The following MX1 variants were observed in gnomAD, a reference collection of about 807,000 sequenced individuals.
The protein encoded by MX1 is interferon-induced GTP-binding protein Mx1.
MX1 carries 66 observed loss-of-function variants against 66.4 expected under a neutral mutation model. The ratio of observed to expected loss-of-function variants is 0.99; its 90% CI spans 0.82 to 1.22. The LOEUF is 1.22. Among genes scored for constraint, MX1 ranks in the 50% most tolerant of loss-of-function variants. The pLI, the probability that MX1 is intolerant of heterozygous loss-of-function variation, is 0.00. For synonymous variants in MX1, 311 were observed against 318.1 expected (o/e 0.98, Z 0.24); for missense variants, 787 against 834.3 (o/e 0.94, Z 0.70).
chr21:41,424,713 C>T (rs2090029744), upstream of MX1, among the ~76,000 whole-genome samples: 1 of 152,206 alleles, frequency 6.6e-6, no homozygotes, highest in South Asian at 2.1e-4. Context: ...CAGCCCTCCC[C>T]AACCCCTTTC....
At chr21:41,439,133 G>T (rs2090439491) in intron 7 of MX1, among the ~76,000 whole-genome samples, 1 of 147,576 alleles carries the variant, frequency 6.8e-6, no homozygotes, top group Non-Finnish European at 1.5e-5. Flanking sequence ...ATCCCAAAAA[G>T]GCATTCTAGA....
At chr21:41,453,309 A>G (rs1016405072) in intron 16 of MX1, among the ~76,000 whole-genome samples, 5 of 152,214 alleles carry the variant, frequency 3.3e-5, no homozygotes, top group African/African-American at 1.2e-4. Flanking sequence ...ACAGGTGGGA[A>G]TTATGGGAGT....
Position 41,432,115 on chromosome 21 carries a change from T to C in MX1, c.45T>C (p.Ala15=), listed in dbSNP as rs755160244. The change falls in exon 5 of 17, where the codon GCT becomes GCC. Residue 15 remains alanine (A), a synonymous_variant. Coordinates refer to ENST00000398598, the MANE Select transcript of MX1 (RefSeq NM_002462.5). The part of the protein sequence containing the change: ...EVDIAKADPA[A]ASHPLLLNGD... ...ACATCGCAAAAGCTGATCCAGCTGC[T>C]GCATCCCACCCTCTATTACTGAATG... 3 of 1,614,208 alleles carry C rather than the reference T, an allele frequency of 1.9e-6. No homozygotes were observed. The South Asian group carries it at 3.3e-5, about 18-fold the overall frequency.
intron 16 of MX1, among the ~76,000 whole-genome samples, chr21:41,457,586 A>G (rs2090988583): frequency 6.6e-6 from 1 of 151,896 alleles, no homozygotes; most frequent in South Asian, 2.1e-4. Context: ...TCAGGCACTC[A>G]CTTCCCCTCT....
At chr21:41,442,820 G>A (rs2090556879) in intron 10 of MX1, 1 of 152,232 alleles carries the variant, frequency 6.6e-6, no homozygotes, top group South Asian at 2.1e-4. Flanking sequence ...CATGGATGAA[G>A]CTTGGGAACA....
rs377733846 is a variant in MX1 at position 41,441,024 on chromosome 21, C to T, written c.729C>T (p.Ile243=). The change falls in exon 9 of 17, where the codon ATC becomes ATT. Residue 243 remains isoleucine, a splice_region_variant and synonymous_variant. Coordinates refer to ENST00000398598, the MANE Select transcript of MX1 (RefSeq NM_002462.5). The surrounding 1 kb of genome is among the most constrained non-coding windows in gnomAD (Gnocchi z 4.0). The part of the protein sequence containing the change: ...QEVDPEGDRT[I]GILTKPDLVD... ...TGGACCCCGAGGGAGACAGGACCAT[C>T]GGTGAGAGTGGGGGAGCCCCACTGT... is the stretch of plus-strand genomic sequence containing the variant. 63 of 1,613,164 alleles carry T rather than the reference C, an allele frequency of 3.9e-5. No homozygotes were observed. The highest frequency in any genetic ancestry group is 1.8e-4 in the Middle Eastern group (1 of 5,690).
chr21:41,434,619 T>C (rs1245009557), intron 5 of MX1, among the ~76,000 whole-genome samples: 1 of 152,222 alleles, frequency 6.6e-6, no homozygotes, highest in Non-Finnish European at 1.5e-5. Context: ...GTTTTTAGTA[T>C]ATATCTTTAA....
intron 13 of MX1, among the ~76,000 whole-genome samples, chr21:41,448,679 A>G (rs1037546935): frequency 1.3e-4 from 19 of 151,928 alleles, no homozygotes; most frequent in Non-Finnish European, 2.2e-4. Flanking sequence ...GGTGGCGGGT[A>G]CCTGTAGTCC....
chr21:41,425,184 A>G (rs1181998079), upstream of MX1, among the ~76,000 whole-genome samples: 2 of 152,234 alleles, frequency 1.3e-5, no homozygotes, highest in Non-Finnish European at 2.9e-5. Context: ...TGTGAGCAAC[A>G]TGGCTGTGTA....
At chr21:41,435,755 T>G in intron 5 of MX1, 82 bp from the exon 6 acceptor site, 4 of 1,441,396 alleles carry the variant, frequency 2.8e-6, no homozygotes, top group Non-Finnish European at 3.8e-6. Flanking sequence ...CGAGATGAGA[T>G]TTGGGTAGGG....
chr21:41,432,926 C>T (rs1275649963), intron 5 of MX1, among the ~76,000 whole-genome samples: 1 of 152,192 alleles, frequency 6.6e-6, no homozygotes, highest in Middle Eastern at 3.2e-3. Flanking sequence ...ACCACCTTTC[C>T]ACCACCCTGA....
Position 41,445,659 on chromosome 21 carries a change from C to A in MX1, c.1131+89C>A, listed in dbSNP as rs888391454. 10 of 1,540,392 alleles carry A rather than the reference C, an allele frequency of 6.5e-6. No homozygotes were observed. In the African/African-American group the frequency reaches 1.4e-4, roughly 21 times the overall value. On this transcript the variant is annotated intron_variant, in intron 12 of 16. Coordinates refer to ENST00000398598, the MANE Select transcript of MX1 (RefSeq NM_002462.5). ...GCCTTATGCACTTCCTTCTTCACTC[C>A]CCCAAGGCTGATCCAAAGACATCTG...
chr21:41,421,006 G>A (rs2089987304), intron 1 of MX1, among the ~76,000 whole-genome samples: 1 of 152,210 alleles, frequency 6.6e-6, no homozygotes, highest in African/African-American at 2.4e-5. Context: ...TCAGCATATG[G>A]AGGATCCCGC....
chr21:41,441,091 TG>T lies in MX1; in HGVS notation c.730+71del. 1 of 1,417,044 alleles carries T rather than the reference TG, an allele frequency of 7.1e-7. No individual in the cohort carries two copies. Among genetic ancestry groups the T allele is most frequent in the Admixed American group, 2.0e-5 (1 of 50,122 alleles). 87.8% of individuals were successfully genotyped at this position (1,417,044 alleles called of 1,614,324 possible). A position where few individuals can be genotyped will look rare whatever the true frequency, so the allele number is the denominator to read the frequency against. On this transcript the variant is annotated intron_variant, in intron 9 of 16. Transcript: ENST00000398598. The surrounding 1 kb of genome is among the most constrained non-coding windows in gnomAD (Gnocchi z 4.0). The stretch of plus-strand genomic sequence containing the variant: ...GGAGCCCGCCTGTGCTCGGTGAGAA[TG>T]GGGGAGCCCACCTGTGCTCGGTGAG...
Position 41,441,377 on chromosome 21 carries a change from A to T in MX1, c.731-339A>T. The T allele has an allele frequency of 2.3e-6, 1 of 435,444 alleles. No homozygotes were observed. The highest frequency in any genetic ancestry group is 4.3e-6 in the Non-Finnish European group (1 of 233,886). The allele number at this position is 435,444 out of a possible 1,614,324, so 27.0% of individuals were successfully genotyped here. On this transcript the variant is annotated intron_variant, in intron 9 of 16. Transcript: ENST00000398598. This position sits in a 1 kb window ranked among gnomAD's most constrained non-coding sequence, Gnocchi z 4.0. Reference sequence around the variant, plus strand: ...CACAGTGGGCTCGGAAGCAGGTCAAACTCAGGAGGCACATGGTACTCATTA... The same window carrying T: ...CACAGTGGGCTCGGAAGCAGGTCAATCTCAGGAGGCACATGGTACTCATTA...
At chr21:41,425,251 G>A (rs888933013), upstream of MX1, among the ~76,000 whole-genome samples, 1 of 152,230 alleles carries the variant, frequency 6.6e-6, no homozygotes, top group South Asian at 2.1e-4. Context: ...AGGGAGATAG[G>A]GGTGGGGCCG....
intron 3 of MX1, chr21:41,429,714 GGC>G (rs1483114112): frequency 6.6e-6 from 1 of 152,054 alleles, no homozygotes; most frequent in Non-Finnish European, 1.5e-5. Context: ...AGACCATCCT[GGC>G]TAACACTGTG....
intron 13 of MX1, among the ~76,000 whole-genome samples, chr21:41,448,720 G>A (rs1193994272): frequency 6.6e-6 from 1 of 152,116 alleles, no homozygotes; most frequent in Non-Finnish European, 1.5e-5. Context: ...GCAGAAGAAT[G>A]GCGTGAACCC....
rs2090103026 is a variant in MX1 at position 41,427,814 on chromosome 21, C to CCACTCCCT, written c.-149_-142dup. 6.6e-6 allele frequency: 1 copy of CCACTCCCT among 152,236 alleles called. No individual in the cohort carries two copies. 9.4% of individuals were successfully genotyped at this position (152,236 alleles called of 1,614,324 possible). On this transcript the variant is annotated 5_prime_UTR_variant, in exon 3 of 17. Transcript: ENST00000398598. ...TGGGTCGGAGGCTACAGGAAGACTC[C>CCACTCCCT]CACTCCCTGAAATCTGGAGTGAAGA...
Sources: allele counts gnomAD v4.1 joint callset (sites outside exome capture counted in the v4.1 genomes callset), GRCh38; gene constraint gnomAD v4.1.1; non-coding constraint Gnocchi (gnomAD v3.1); transcripts MANE v1.5; gene names NCBI Gene and HGNC (gene_info 2026-07-23, HGNC 2026-07-21).